FRMD4A: variants seen among roughly 807,000 people sequenced by gnomAD.
The protein encoded by FRMD4A is FERM domain-containing protein 4A.
Under a neutral mutation model 129.1 loss-of-function variants are expected in FRMD4A, and 29 were observed. That is an observed-to-expected ratio of 0.22 (90% CI 0.17 to 0.31). The LOEUF (loss-of-function observed/expected upper bound fraction) is 0.31. Ranked by LOEUF, FRMD4A falls within the 10% of genes least tolerant of loss-of-function variation. The pLI is 1.00. For missense variants in FRMD4A, 1,272 were observed against 1,375.8 expected (o/e 0.92, Z 1.19); for synonymous variants, 634 against 571.6 (o/e 1.11, Z -1.56).
chr10:13,825,161 T>C (rs1386044152), intron 3 of FRMD4A, among the ~76,000 whole-genome samples: 1 of 152,106 alleles, frequency 6.6e-6, no homozygotes, highest in Non-Finnish European at 1.5e-5. Context: ...CCATAACCAA[T>C]AATAAAATAC....
At chr10:14,299,576 A>T (rs1846119004) in intron 2 of FRMD4A, among the ~76,000 whole-genome samples, 1 of 152,184 alleles carries the variant, frequency 6.6e-6, no homozygotes. Context: ...ATGTAAATTG[A>T]GCATCATTCC....
chr10:13,857,239 T>C (rs1162897694), intron 3 of FRMD4A, among the ~76,000 whole-genome samples: 2 of 152,214 alleles, frequency 1.3e-5, no homozygotes, highest in East Asian at 3.9e-4. Flanking sequence ...AATGGGGAAA[T>C]GATTAGATAA....
intron 13 of FRMD4A, among the ~76,000 whole-genome samples, chr10:13,702,570 G>T (rs1406028791): frequency 6.6e-6 from 1 of 151,440 alleles, no homozygotes; most frequent in East Asian, 1.9e-4. Flanking sequence ...GTGTGTGTGC[G>T]CATGCATGTG....
intron 2 of FRMD4A, among the ~76,000 whole-genome samples, chr10:13,964,397 C>G (rs2095469793): frequency 6.9e-6 from 1 of 145,278 alleles, no homozygotes; most frequent in Admixed American, 7.4e-5. Flanking sequence ...GTCAGTAATT[C>G]AGATTGTTGG....
intron 2 of FRMD4A, among the ~76,000 whole-genome samples, chr10:14,177,533 AC>A (rs963022898): frequency 1.2e-4 from 18 of 152,242 alleles, no homozygotes; most frequent in African/African-American, 4.3e-4. Flanking sequence ...TATCTCTGGT[AC>A]AATTGATTAC....
chr10:14,075,984 A>G (rs946649597), intron 2 of FRMD4A, among the ~76,000 whole-genome samples: 1 of 152,188 alleles, frequency 6.6e-6, no homozygotes, highest in Non-Finnish European at 1.5e-5. Context: ...TGTAGCATCT[A>G]TTTTGAACCA....
intron 2 of FRMD4A, among the ~76,000 whole-genome samples, chr10:14,167,603 T>C (rs1841255627): frequency 7.1e-6 from 1 of 141,446 alleles, no homozygotes; most frequent in Non-Finnish European, 1.5e-5. Flanking sequence ...GTGGAGAGGC[T>C]CACAGTCCAT....
intron 4 of FRMD4A, among the ~76,000 whole-genome samples, chr10:13,802,309 G>A (rs1218117870): frequency 1.3e-5 from 2 of 152,240 alleles, no homozygotes; most frequent in East Asian, 1.9e-4. Context: ...GGGTGGAGGT[G>A]TGTGATAAGT....
chr10:13,890,528 C>G lies in FRMD4A; in HGVS notation c.46-31616G>C, dbSNP rs553867115. 3.1e-6 allele frequency: 3 copies of G among 979,240 alleles called. No individual in the cohort carries two copies. In the African/African-American group the frequency reaches 5.2e-5, roughly 17 times the overall value. 60.7% of individuals were successfully genotyped at this position (979,240 alleles called of 1,614,324 possible). On this transcript the variant is annotated intron_variant, in intron 2 of 24. Coordinates refer to ENST00000357447, the MANE Select transcript of FRMD4A (RefSeq NM_018027.5). Reference sequence around the variant, plus strand: ...CCAGCAGCTGAACCCTCAATCAGGTCCAGGCAGATGTATTCCCGATAGAAC... The same window carrying G: ...CCAGCAGCTGAACCCTCAATCAGGTGCAGGCAGATGTATTCCCGATAGAAC...
intron 2 of FRMD4A, among the ~76,000 whole-genome samples, chr10:14,248,276 T>C (rs932359333): frequency 5.9e-5 from 9 of 152,210 alleles, no homozygotes; most frequent in African/African-American, 2.2e-4. Context: ...AAAAATCCGA[T>C]TGACTATATG....
chr10:13,795,158 T>C (rs1211896308), intron 5 of FRMD4A, among the ~76,000 whole-genome samples: 1 of 152,222 alleles, frequency 6.6e-6, no homozygotes, highest in Non-Finnish European at 1.5e-5. Flanking sequence ...GATGACAGGT[T>C]AATGACCTGC....
At chr10:13,863,322 C>G (rs376388602) in intron 2 of FRMD4A, among the ~76,000 whole-genome samples, 1 of 152,154 alleles carries the variant, frequency 6.6e-6, no homozygotes, top group Non-Finnish European at 1.5e-5. Context: ...TGGCTCACGC[C>G]TGTAATCCTA....
intron 2 of FRMD4A, among the ~76,000 whole-genome samples, chr10:14,231,787 G>C (rs2131988944): frequency 6.6e-6 from 1 of 152,240 alleles, no homozygotes; most frequent in Non-Finnish European, 1.5e-5. Flanking sequence ...GTTGTGTCTT[G>C]CTTGTTGATT....
chr10:14,084,972 T>G (rs1203601019), intron 2 of FRMD4A, among the ~76,000 whole-genome samples: 1 of 152,166 alleles, frequency 6.6e-6, no homozygotes, highest in Non-Finnish European at 1.5e-5. Flanking sequence ...AACAAACTAT[T>G]TTTTCAATGG....
At chr10:13,996,756 A>C (rs2095624021) in intron 2 of FRMD4A, among the ~76,000 whole-genome samples, 1 of 152,186 alleles carries the variant, frequency 6.6e-6, no homozygotes, top group African/African-American at 2.4e-5. Flanking sequence ...TTTCTTCTAC[A>C]AGAACTCCAC....
rs189261440 is a variant in FRMD4A at position 13,896,443 on chromosome 10, C to A, written c.46-37531G>T. ...AACAGAAAAACAAACACCGCATGTTCTCACTCATAAGTGGGAGTTTAATAA... is the reference window on the plus strand; with the variant it reads ...AACAGAAAAACAAACACCGCATGTTATCACTCATAAGTGGGAGTTTAATAA... On this transcript the variant is annotated intron_variant, in intron 2 of 24. Coordinates refer to ENST00000357447, the MANE Select transcript of FRMD4A (RefSeq NM_018027.5). Among the ~76,000 whole-genome samples, 124 of 152,258 alleles carry A rather than the reference C, an allele frequency of 8.1e-4. 1 individual carries two copies. Among genetic ancestry groups the A allele is most frequent in the Middle Eastern group, 3.4e-3 (1 of 294 alleles).
chr10:13,713,790 A>C (rs2088290682), intron 12 of FRMD4A, among the ~76,000 whole-genome samples: 1 of 131,394 alleles, frequency 7.6e-6, no homozygotes, highest in Non-Finnish European at 1.6e-5. Context: ...ATATATATAC[A>C]TATATGTAAT....
At chr10:13,973,931 G>A (rs1334535756) in intron 2 of FRMD4A, among the ~76,000 whole-genome samples, 1 of 151,890 alleles carries the variant, frequency 6.6e-6, no homozygotes, top group African/African-American at 2.4e-5. Flanking sequence ...TGTGTGCTCT[G>A]AACTAATGCT....
At chr10:13,674,315 C>T (rs1195708993) in intron 16 of FRMD4A, among the ~76,000 whole-genome samples, 2 of 152,136 alleles carry the variant, frequency 1.3e-5, no homozygotes, top group Admixed American at 1.3e-4. Context: ...CCATTATGAT[C>T]GATGAGGCAC....
Sources: gnomAD v4.1 joint callset for allele counts (sites outside exome capture counted in the v4.1 genomes callset) on GRCh38, gnomAD v4.1.1 for gene constraint, MANE v1.5 for transcripts, NCBI Gene and HGNC (gene_info 2026-07-23, HGNC 2026-07-21) for gene names.